Variants in GALNT2 observed in about 807,000 individuals in gnomAD.
GALNT2 encodes UDP-GalNAc:polypeptide N-acetylgalactosaminyltransferase 2.
GALNT2 carries 31 observed loss-of-function variants against 81.4 expected under a neutral mutation model. That is an observed-to-expected ratio of 0.38 (90% confidence interval 0.29 to 0.51). The LOEUF (loss-of-function observed/expected upper bound fraction) is 0.51, where lower values mean the gene tolerates loss of function less well. GALNT2 is among the 20% of genes least tolerant of loss of function. GALNT2 has a pLI of 0.87. For missense variants in GALNT2, 629 were observed against 765.7 expected, an observed-to-expected ratio of 0.82 and a Z score of 2.11; for synonymous variants, 303 against 287.4, an observed-to-expected ratio of 1.05 and a Z score of -0.55.
chr1:230,166,050 C>G (rs1336997501), intron 1 of GALNT2, among the ~76,000 whole-genome samples: 6 of 152,114 alleles, frequency 3.9e-5, no homozygotes, highest in Admixed American at 3.9e-4. Context: ...CTGTGTTTAC[C>G]TGTCTTTAAA....
chr1:230,072,409 G>C (rs1197882794), intron 1 of GALNT2, among the ~76,000 whole-genome samples: 1 of 152,106 alleles, frequency 6.6e-6, no homozygotes, highest in Non-Finnish European at 1.5e-5. Context: ...AGAGACACAG[G>C]TGTAAGCAGG....
At chr1:230,260,324 A>G (rs1247608629) in intron 11 of GALNT2, among the ~76,000 whole-genome samples, 3 of 152,140 alleles carry the variant, frequency 2.0e-5, no homozygotes, top group Non-Finnish European at 4.4e-5. Context: ...TACCAAATAA[A>G]TACCTGAGTG....
Position 230,279,345 on chromosome 1 carries a change from G to A in GALNT2, c.1603G>A (p.Gly535Ser). The A allele has an allele frequency of 6.2e-7, 1 of 1,614,138 alleles. No individual in the cohort carries two copies. The highest frequency in any genetic ancestry group is 8.5e-7 in the Non-Finnish European group (1 of 1,180,036). ...IEGNSKLRHV[G>S]SNLCLDSRTA... Reference sequence around the variant, plus strand: ...GGGCAACTCCAAGCTGAGGCACGTGGGCAGCAACCTGTGCCTGGACAGTCG... The same window carrying A: ...GGGCAACTCCAAGCTGAGGCACGTGAGCAGCAACCTGTGCCTGGACAGTCG... Residue 535 changes from glycine (G) to serine (S), a missense_variant, in exon 16 of 16, where the codon GGC becomes AGC. Coordinates refer to ENST00000366672, the MANE Select transcript of GALNT2 (RefSeq NM_004481.5). This position sits in a 1 kb window ranked among gnomAD's most constrained non-coding sequence, Gnocchi z 4.6.
At chr1:230,200,789 A>G (rs1663868087) in intron 2 of GALNT2, among the ~76,000 whole-genome samples, 1 of 150,676 alleles carries the variant, frequency 6.6e-6, no homozygotes, top group African/African-American at 2.4e-5. Flanking sequence ...GTAGGATGAA[A>G]CCTCTCTCGG....
In GALNT2 at chr1:230,274,470, C is replaced by T. The variant is rs769823155; in HGVS notation, c.1466C>T (p.Ser489Leu). 26 of 1,613,444 alleles carry T rather than the reference C, an allele frequency of 1.6e-5. No individual in the cohort carries two copies. In the East Asian group the frequency reaches 2.9e-4, roughly 18 times the overall value. The change falls in exon 15 of 16, where the codon TCG becomes TTG. Residue 489 changes from serine to leucine, a missense_variant. Ser to Leu is a moderately radical substitution (Grantham distance 145). This residue lies in a region of GALNT2 where 207 missense variants were observed against 225.5 expected (regional missense o/e 0.92). Transcript: ENST00000366672. ...NQEWALTKEK[S>L]VKHMDLCLTV... Reference sequence around the variant, plus strand: ...GAATGGGCCTTGACGAAGGAGAAGTCGGTGAAGCACATGGATTTGTGCCTT... The same window carrying T: ...GAATGGGCCTTGACGAAGGAGAAGTTGGTGAAGCACATGGATTTGTGCCTT...
At chr1:230,151,242 G>A (rs968916565) in intron 1 of GALNT2, among the ~76,000 whole-genome samples, 1 of 152,180 alleles carries the variant, frequency 6.6e-6, no homozygotes, top group Admixed American at 6.5e-5. Context: ...CTCCTGGAGG[G>A]AAGGCCCCTG....
intron 8 of GALNT2, 126 bp downstream of exon 8, chr1:230,246,276 A>G (rs1665367330): frequency 4.0e-6 from 3 of 742,994 alleles, no homozygotes; most frequent in Non-Finnish European, 7.1e-6. Context: ...TGTTCTGAGT[A>G]AAAACCACCT....
intron 1 of GALNT2, among the ~76,000 whole-genome samples, chr1:230,134,110 C>CTTT (rs1661457756): frequency 7.3e-6 from 1 of 136,190 alleles, no homozygotes; most frequent in African/African-American, 2.7e-5. Context: ...CCACCTGAAT[C>CTTT]TGTTTTTTTT....
intron 3 of GALNT2, among the ~76,000 whole-genome samples, chr1:230,214,039 A>G (rs868068172): frequency 6.6e-6 from 1 of 151,540 alleles, no homozygotes; most frequent in Non-Finnish European, 1.5e-5. Context: ...TCTGTATTTC[A>G]TTAGTATTTC....
intron 6 of GALNT2, among the ~76,000 whole-genome samples, chr1:230,241,727 G>A (rs573663615): frequency 2.1e-4 from 32 of 152,274 alleles, no homozygotes; most frequent in African/African-American, 5.5e-4. Flanking sequence ...GATTACAGGC[G>A]TGAGCCACCA....
intron 1 of GALNT2, among the ~76,000 whole-genome samples, chr1:230,097,354 C>T (rs955800888): frequency 4.6e-5 from 7 of 152,296 alleles, no homozygotes; most frequent in Admixed American, 4.6e-4. Flanking sequence ...CCACGGAGCT[C>T]TTTCAACTTG....
chr1:230,262,498 C>T, intron 11 of GALNT2, 75 bp from the exon 12 acceptor site: 2 of 1,316,016 alleles, frequency 1.5e-6, no homozygotes. Context: ...AGTCACACGC[C>T]AGCAGACAGG....
chr1:230,146,454 A>G (rs1661918925), intron 1 of GALNT2, among the ~76,000 whole-genome samples: 1 of 151,574 alleles, frequency 6.6e-6, no homozygotes, highest in South Asian at 2.1e-4. Flanking sequence ...TGTTGATCGG[A>G]GGCCACTGCC....
In GALNT2 at chr1:230,089,318, T is replaced by C. The variant is rs532713856; in HGVS notation, c.126+21912T>C. Among the ~76,000 whole-genome samples the C allele has an allele frequency of 1.3e-4, 20 of 151,616 alleles. No individual in the cohort carries two copies. In the South Asian group the frequency reaches 4.0e-3, roughly 30 times the overall value. On this transcript the variant is annotated intron_variant, in intron 1 of 15. Transcript: ENST00000366672. ...CACACCACCATGCCCGGCTGTTTTT[T>C]GCGTGTGTGTGTGTGTGTTTTTAGT... is the stretch of plus-strand genomic sequence containing the variant.
chr1:230,267,407 G>A (rs1404473618), intron 14 of GALNT2, among the ~76,000 whole-genome samples: 2 of 152,154 alleles, frequency 1.3e-5, no homozygotes, highest in African/African-American at 4.8e-5. Flanking sequence ...CTGTTATTCC[G>A]GCTGCCCTCA....
At position 230,249,341 on chromosome 1, in the gene GALNT2, C is replaced by T. The variant is rs771185695; in HGVS notation, c.905+70C>T. Reference sequence around the variant, plus strand: ...CAGGTTCCAGCTTCTTTGCTGGGCCCGCACCGCCTGGAGACCCAGTGGGGG... The same window carrying T: ...CAGGTTCCAGCTTCTTTGCTGGGCCTGCACCGCCTGGAGACCCAGTGGGGG... On this transcript the variant is annotated intron_variant, in intron 9 of 15. Transcript: ENST00000366672. 19 of 1,414,174 alleles carry T rather than the reference C, an allele frequency of 1.3e-5. No individual in the cohort carries two copies. The East Asian group carries it at 1.4e-4, about 10-fold the overall frequency. The allele number at this position is 1,414,174 out of a possible 1,614,324, so 87.6% of individuals were successfully genotyped here. A position where few individuals can be genotyped will look rare whatever the true frequency, so the allele number is the denominator to read the frequency against.
Position 230,250,556 on chromosome 1 carries a change from CCT to C in GALNT2, c.1006_1007del (p.Leu336ArgfsTer55). 1 of 1,608,528 alleles carries C rather than the reference CCT, an allele frequency of 6.2e-7. No individual in the cohort carries two copies. The highest frequency in any genetic ancestry group is 2.2e-5 in the East Asian group (1 of 44,852). On this transcript the variant is annotated frameshift_variant and splice_region_variant, in exon 10 of 16. Coordinates refer to ENST00000366672, the MANE Select transcript of GALNT2 (RefSeq NM_004481.5). LOFTEE classifies it high-confidence loss of function. ...TGATGGATGTGTGGGGAGGAGAGAA[CCT>C]AGGTATGTACAAGCCTCAAATCTCA... ...MMMDVWGGEN[L>X]EISFRVWQCG... is the part of the protein sequence containing the mutation.
At chr1:230,270,478 T>C (rs1268842526) in intron 14 of GALNT2, among the ~76,000 whole-genome samples, 1 of 152,242 alleles carries the variant, frequency 6.6e-6, no homozygotes, top group Non-Finnish European at 1.5e-5. Flanking sequence ...ACTTGAAATA[T>C]GACTAGTGTG....
chr1:230,214,073 T>C (rs546988142), intron 3 of GALNT2, among the ~76,000 whole-genome samples: 16 of 152,272 alleles, frequency 1.1e-4, no homozygotes, highest in African/African-American at 3.6e-4. Flanking sequence ...ATGTTGGCAA[T>C]GAATTGTATC....
Sources: gnomAD v4.1 joint callset for allele counts (sites outside exome capture counted in the v4.1 genomes callset) on GRCh38, gnomAD v4.1.1 for gene constraint, gnomAD v4.1.1 regional missense constraint, Gnocchi (gnomAD v3.1) non-coding constraint, MANE v1.5 for transcripts, NCBI Gene and HGNC (gene_info 2026-07-23, HGNC 2026-07-21) for gene names.